The following DENND2A variants were observed in gnomAD, a reference collection of about 807,000 sequenced individuals.
DENND2A encodes the protein DENN domain-containing protein 2A.
Under a neutral mutation model 105.3 loss-of-function variants are expected in DENND2A, and 53 were observed. The ratio of observed to expected loss-of-function variants is 0.50; its 90% CI spans 0.40 to 0.63. DENND2A has a LOEUF of 0.63. DENND2A is among the 30% of genes least tolerant of loss of function. The probability of loss-of-function intolerance (pLI) is 0.00; values close to 1 mark genes in which losing one functional copy is unlikely to be tolerated. For synonymous variants in DENND2A, 522 were observed against 508.4 expected, an observed-to-expected ratio of 1.03 and a Z score of -0.36; for missense variants, 1,138 against 1,279.6, an observed-to-expected ratio of 0.89 and a Z score of 1.69.
rs1796295098 is a variant in DENND2A at position 140,532,166 on chromosome 7, G to C, written c.2328-4671C>G. Among the ~76,000 whole-genome samples, 5 of 152,232 alleles carry C rather than the reference G, an allele frequency of 3.3e-5. No homozygotes were observed. The South Asian group carries it at 1.0e-3, about 32-fold the overall frequency. On this transcript the variant is annotated intron_variant, in intron 14 of 19. Transcript: ENST00000496613. ...TGTAGTCCCAGCTACTCGGGAGGGA[G>C]GCTGAGGCAGGAGAATCGCTTGAAT... is the stretch of plus-strand genomic sequence containing the variant.
intron 1 of DENND2A, among the ~76,000 whole-genome samples, chr7:140,625,631 G>A (rs1437311420): frequency 2.0e-5 from 3 of 152,104 alleles, no homozygotes; most frequent in Non-Finnish European, 2.9e-5. Context: ...GCAGTGAGCC[G>A]AGATCATGCC....
chr7:140,602,151 T>G lies in DENND2A; in HGVS notation c.247A>C (p.Arg83=). ...DYLPSSTVER[R]SSDGVRTQVT... is the part of the protein sequence containing the mutation. ...TGAGTTCTCACCCCATCACTACTCCTCCTCTCCACCGTAGAGGACGGCAGA... is the reference window on the plus strand; with the variant it reads ...TGAGTTCTCACCCCATCACTACTCCGCCTCTCCACCGTAGAGGACGGCAGA... Residue 83 remains arginine, a synonymous_variant, in exon 3 of 20, where the codon AGG becomes CGG. Transcript: ENST00000496613. The G allele has an allele frequency of 1.9e-6, 3 of 1,614,074 alleles. No homozygotes were observed. Among genetic ancestry groups the G allele is most frequent in the Non-Finnish European group, 2.5e-6 (3 of 1,180,000 alleles).
intron 12 of DENND2A, among the ~76,000 whole-genome samples, chr7:140,554,299 A>G (rs1395831501): frequency 6.6e-6 from 1 of 152,160 alleles, no homozygotes; most frequent in East Asian, 1.9e-4. Context: ...CAATTCCCCA[A>G]AAGAAAGCTC....
intron 5 of DENND2A, among the ~76,000 whole-genome samples, chr7:140,577,247 A>G (rs1798338757): frequency 6.6e-6 from 1 of 152,178 alleles, no homozygotes; most frequent in South Asian, 2.1e-4. Flanking sequence ...GGTGAGGGAG[A>G]GTAAATTAGA....
chr7:140,544,840 C>T, intron 13 of DENND2A, 74 bp from the exon 14 acceptor site: 1 of 1,544,384 alleles, frequency 6.5e-7, no homozygotes, highest in East Asian at 2.4e-5. Flanking sequence ...TGTCGCAGTC[C>T]CAGGGCTCTG....
Position 140,527,360 on chromosome 7 carries a change from G to C in DENND2A, c.2463C>G (p.Leu821=), listed in dbSNP as rs1462601819. The change falls in exon 15 of 20, where the codon CTC becomes CTG. Residue 821 remains leucine (L), a synonymous_variant. Coordinates refer to ENST00000496613, the MANE Select transcript of DENND2A (RefSeq NM_015689.5). This position sits in a 1 kb window ranked among gnomAD's most constrained non-coding sequence, Gnocchi z 4.9. ...CCCTGAGCAGTGGCAGCGAGCTGGAGAGCAGCCCGATGAGGAAGGGCGTCG... is the reference window on the plus strand; with the variant it reads ...CCCTGAGCAGTGGCAGCGAGCTGGACAGCAGCCCGATGAGGAAGGGCGTCG... ...CSPTPFLIGL[L]SSSLPLLREL... is the part of the protein sequence containing the mutation. 2 of 1,602,222 alleles carry C rather than the reference G, an allele frequency of 1.2e-6. No individual in the cohort carries two copies. Among genetic ancestry groups the C allele is most frequent in the African/African-American group, 2.7e-5 (2 of 74,958 alleles).
chr7:140,608,059 G>A (rs927993147), intron 1 of DENND2A, among the ~76,000 whole-genome samples: 3 of 152,196 alleles, frequency 2.0e-5, no homozygotes, highest in African/African-American at 7.2e-5. Context: ...AAGGAAAAAA[G>A]GCCACTGTGT....
chr7:140,596,581 A>G (rs1389658768), intron 3 of DENND2A, among the ~76,000 whole-genome samples: 2 of 152,224 alleles, frequency 1.3e-5, no homozygotes, highest in African/African-American at 4.8e-5. Context: ...TCTGGCAGCC[A>G]TATAATGACT....
chr7:140,527,136 C>T lies in DENND2A; in HGVS notation c.2505+182G>A, dbSNP rs1490090929. 1.3e-5 allele frequency among the ~76,000 whole-genome samples: 2 copies of T among 152,218 alleles called. No individual in the cohort carries two copies. Among genetic ancestry groups the T allele is most frequent in the Non-Finnish European group, 2.9e-5 (2 of 68,044 alleles). On this transcript the variant is annotated intron_variant, in intron 15 of 19. Coordinates refer to ENST00000496613, the MANE Select transcript of DENND2A (RefSeq NM_015689.5). This position sits in a 1 kb window ranked among gnomAD's most constrained non-coding sequence, Gnocchi z 4.9. ...GAAGGGAAAACAGTGTTTGCAGTCA[C>T]TGAGGGTCTGACTGAGTCAGCCTCT...
chr7:140,556,495 C>A (rs772384325), intron 11 of DENND2A, among the ~76,000 whole-genome samples: 1 of 151,786 alleles, frequency 6.6e-6, no homozygotes, highest in African/African-American at 2.4e-5. Flanking sequence ...TGTGCCACCA[C>A]GCCCAGCTAT....
At chr7:140,632,864 C>CT (rs1158154967) in intron 1 of DENND2A, among the ~76,000 whole-genome samples, 10,710 of 117,204 alleles carry the variant, frequency 0.091, 1,708 homozygotes, top group African/African-American at 0.32. Flanking sequence ...CATGCCTGGC[C>CT]TTTTTTTTTT....
At chr7:140,563,407 G>A (rs1286319379) in intron 9 of DENND2A, among the ~76,000 whole-genome samples, 1 of 152,094 alleles carries the variant, frequency 6.6e-6, no homozygotes, top group African/African-American at 2.4e-5. Flanking sequence ...AATCACAGAT[G>A]GCTGGAAAAC....
intron 16 of DENND2A, among the ~76,000 whole-genome samples, chr7:140,524,520 G>A (rs1034163012): frequency 3.2e-4 from 49 of 151,876 alleles, no homozygotes; most frequent in Admixed American, 3.1e-3. Flanking sequence ...TAAAGTGCAC[G>A]TGCGTGCGCG....
intron 3 of DENND2A, among the ~76,000 whole-genome samples, chr7:140,600,714 T>C (rs925274815): frequency 6.6e-6 from 1 of 152,002 alleles, no homozygotes; most frequent in Non-Finnish European, 1.5e-5. Context: ...GGTGAAATGA[T>C]GAAAGGGAGT....
intron 5 of DENND2A, among the ~76,000 whole-genome samples, chr7:140,579,867 C>G (rs534369929): frequency 6.6e-6 from 1 of 152,124 alleles, no homozygotes; most frequent in Non-Finnish European, 1.5e-5. Flanking sequence ...CGAGGTGGCT[C>G]ACGCCTGTAA....
chr7:140,625,015 G>A (rs375436292), intron 1 of DENND2A, among the ~76,000 whole-genome samples: 4 of 146,884 alleles, frequency 2.7e-5, no homozygotes, highest in South Asian at 2.5e-4. Context: ...GCACCACCAC[G>A]CCCAGCCTGG....
intron 14 of DENND2A, among the ~76,000 whole-genome samples, chr7:140,531,671 C>T (rs762189543): frequency 4.6e-5 from 7 of 151,518 alleles, no homozygotes; most frequent in African/African-American, 1.2e-4. Context: ...AAAAACGAGT[C>T]GGGCATGGTG....
chr7:140,586,571 A>AAAAATAG (rs1798793558), intron 4 of DENND2A, among the ~76,000 whole-genome samples: 1 of 152,162 alleles, frequency 6.6e-6, no homozygotes, highest in African/African-American at 2.4e-5. Flanking sequence ...ATAAAAAATA[A>AAAAATAG]AAAAGAAAGA....
At chr7:140,638,106 AC>A (rs1298242184) in intron 1 of DENND2A, among the ~76,000 whole-genome samples, 3 of 152,146 alleles carry the variant, frequency 2.0e-5, no homozygotes. Context: ...TTCAGTCTTT[AC>A]ATAAAGTTCC....
Sources: allele counts gnomAD v4.1 joint callset (sites outside exome capture counted in the v4.1 genomes callset), GRCh38; gene constraint gnomAD v4.1.1; non-coding constraint Gnocchi (gnomAD v3.1); transcripts MANE v1.5; gene names NCBI Gene and HGNC (gene_info 2026-07-23, HGNC 2026-07-21).